ZSWIM5: variants seen among roughly 807,000 people sequenced by gnomAD.
ZSWIM5 encodes the protein zinc finger SWIM-type containing 5, also known as zinc finger SWIM domain-containing protein 5.
Under a neutral mutation model 119.6 loss-of-function variants are expected in ZSWIM5, and 55 were observed. The observed-to-expected ratio is 0.46, with a 90% CI of 0.37 to 0.58. The LOEUF (loss-of-function observed/expected upper bound fraction) is 0.58. Among genes scored for constraint, ZSWIM5 ranks in the 20% least tolerant of loss-of-function variants. ZSWIM5 has a pLI of 0.00. For synonymous variants in ZSWIM5, 537 were observed against 606.9 expected, an observed-to-expected ratio of 0.88 and a Z score of 1.69; for missense variants, 1,193 against 1,512.8, an observed-to-expected ratio of 0.79 and a Z score of 3.51.
At chr1:45,197,608 T>C (rs1438248878) in intron 1 of ZSWIM5, among the ~76,000 whole-genome samples, 3 of 152,202 alleles carry the variant, frequency 2.0e-5, no homozygotes, top group Admixed American at 6.5e-5. Context: ...CTACTATAAA[T>C]ATTCAAGTAC....
chr1:45,090,470 C>T (rs1645358257), intron 1 of ZSWIM5, among the ~76,000 whole-genome samples: 1 of 151,932 alleles, frequency 6.6e-6, no homozygotes, highest in Non-Finnish European at 1.5e-5. Context: ...ACTAAGAAAG[C>T]TGGGCAACAT....
chr1:45,154,141 T>C (rs1645813593), intron 1 of ZSWIM5, among the ~76,000 whole-genome samples: 1 of 151,988 alleles, frequency 6.6e-6, no homozygotes, highest in Non-Finnish European at 1.5e-5. Context: ...CATGGATGGG[T>C]AGAATCAATA....
chr1:45,185,867 T>G lies in ZSWIM5; in HGVS notation c.595+19889A>C, dbSNP rs12563038. On this transcript the variant is annotated intron_variant, in intron 1 of 13. Transcript: ENST00000359600. ...GCAATTCCTCAGGGATCTAGAACTA[T>G]CAATACCATTTGACCCAGCCATCCC... Among the ~76,000 whole-genome samples, 29 of 152,234 alleles carry G rather than the reference T, an allele frequency of 1.9e-4. 1 individual carries two copies. In the South Asian group the frequency reaches 3.7e-3, roughly 20 times the overall value.
At chr1:45,180,848 C>A (rs1454321293) in intron 1 of ZSWIM5, among the ~76,000 whole-genome samples, 1 of 152,102 alleles carries the variant, frequency 6.6e-6, no homozygotes, top group Non-Finnish European at 1.5e-5. Flanking sequence ...CTCTAGCAAA[C>A]TCCAACAGAC....
At chr1:45,178,873 T>C (rs1415196965) in intron 1 of ZSWIM5, among the ~76,000 whole-genome samples, 2 of 152,050 alleles carry the variant, frequency 1.3e-5, no homozygotes, top group Non-Finnish European at 2.9e-5. Context: ...TCATTGTAGA[T>C]TAAAGCTTAT....
chr1:45,052,524 C>T (rs1645095068), intron 4 of ZSWIM5, among the ~76,000 whole-genome samples: 1 of 152,234 alleles, frequency 6.6e-6, no homozygotes, highest in South Asian at 2.1e-4. Context: ...AATCCCAGCA[C>T]TTTGGCAGGC....
intron 1 of ZSWIM5, among the ~76,000 whole-genome samples, chr1:45,171,922 G>A (rs1390213605): frequency 1.2e-4 from 19 of 152,086 alleles, no homozygotes; most frequent in Non-Finnish European, 8.8e-5. Context: ...CATAAAAAGT[G>A]TAACAAAATT....
chr1:45,135,123 GTTT>G (rs60638552), intron 1 of ZSWIM5, among the ~76,000 whole-genome samples: 6 of 135,150 alleles, frequency 4.4e-5, no homozygotes, highest in African/African-American at 5.4e-5. Context: ...CGGTAATTCT[GTTT>G]TTTTTTTTTT....
In ZSWIM5 at chr1:45,035,840, C is replaced by T. The variant is rs1045538832; in HGVS notation, c.2156-17G>A. The T allele has an allele frequency of 6.2e-7, 1 of 1,611,640 alleles. No homozygotes were observed. The highest frequency in any genetic ancestry group is 8.5e-7 in the Non-Finnish European group (1 of 1,179,024). Reference sequence around the variant, plus strand: ...AAGGACCTCCTGGAGGAAGATAAGCCAGCCAGTTATTTATCTGTATGCTTC... The same window carrying T: ...AAGGACCTCCTGGAGGAAGATAAGCTAGCCAGTTATTTATCTGTATGCTTC... On this transcript the variant is annotated splice_polypyrimidine_tract_variant and intron_variant, in intron 9 of 13. Transcript: ENST00000359600.
At chr1:45,029,361 C>T (rs1434369572) in intron 11 of ZSWIM5, among the ~76,000 whole-genome samples, 1 of 152,094 alleles carries the variant, frequency 6.6e-6, no homozygotes, top group African/African-American at 2.4e-5. Flanking sequence ...ATTTGGTATT[C>T]CTGATGTTTC....
At chr1:45,170,193 ATT>A (rs1645938158) in intron 1 of ZSWIM5, among the ~76,000 whole-genome samples, 1 of 152,078 alleles carries the variant, frequency 6.6e-6, no homozygotes, top group African/African-American at 2.4e-5. Context: ...ATTTTTATAT[ATT>A]GTTTGATTTA....
intron 1 of ZSWIM5, among the ~76,000 whole-genome samples, chr1:45,199,528 T>G (rs1038297989): frequency 6.6e-6 from 1 of 152,130 alleles, no homozygotes; most frequent in Admixed American, 6.6e-5. Flanking sequence ...CTTGATCTCC[T>G]GACCTCATGA....
chr1:45,040,412 A>G lies in ZSWIM5; in HGVS notation c.1736T>C (p.Ile579Thr), dbSNP rs1168016035. The change falls in exon 7 of 14, where the codon ATC becomes ACC. Residue 579 changes from isoleucine to threonine, a missense_variant. Transcript: ENST00000359600. ...TATACCTTTCTTCTGATGCTTGTAG[A>G]TTTCCAGTTGCCGCTGCTGCTGCAA... The part of the protein sequence containing the change: ...LRLQQQRQLE[I>T]YKHQKKELLQ... The G allele has an allele frequency of 1.2e-6, 2 of 1,611,082 alleles. No individual in the cohort carries two copies. Among genetic ancestry groups the G allele is most frequent in the African/African-American group, 1.3e-5 (1 of 74,960 alleles).
intron 8 of ZSWIM5, among the ~76,000 whole-genome samples, chr1:45,038,170 A>G (rs1644996775): frequency 6.6e-6 from 1 of 152,222 alleles, no homozygotes; most frequent in Admixed American, 6.5e-5. Flanking sequence ...TTGAGGCTCT[A>G]TTAAATTATT....
At chr1:45,162,388 C>A (rs761592807) in intron 1 of ZSWIM5, among the ~76,000 whole-genome samples, 3 of 152,198 alleles carry the variant, frequency 2.0e-5, no homozygotes, top group Non-Finnish European at 4.4e-5. Context: ...CAGCTCCAGT[C>A]TACAGCTCCC....
intron 11 of ZSWIM5, among the ~76,000 whole-genome samples, chr1:45,031,918 T>A (rs555769832): frequency 6.6e-6 from 1 of 152,100 alleles, no homozygotes; most frequent in East Asian, 1.9e-4. Flanking sequence ...AATTTATAAG[T>A]AAAACCTTAG....
chr1:45,019,029 T>C lies in ZSWIM5; in HGVS notation c.2983A>G (p.Met995Val), dbSNP rs868677195. The C allele has an allele frequency of 6.2e-7, 1 of 1,614,228 alleles. No individual in the cohort carries two copies. Among genetic ancestry groups the C allele is most frequent in the Non-Finnish European group, 8.5e-7 (1 of 1,180,030 alleles). The stretch of plus-strand genomic sequence containing the variant: ...ATGGTGAACAGCTGTGAATGGGTCA[T>C]ACCACCAGCAGCAGCATCAATGGCA... ...QIAIDAAAGG[M>V]THSQLFTIAR... The change falls in exon 14 of 14, where the codon ATG becomes GTG. Residue 995 changes from methionine to valine, a missense_variant. Transcript: ENST00000359600. This position sits in a 1 kb window ranked among gnomAD's most constrained non-coding sequence, Gnocchi z 5.0.
chr1:45,206,392 C>A lies in ZSWIM5; in HGVS notation c.-42G>T. On this transcript the variant is annotated 5_prime_UTR_variant, in exon 1 of 14. Coordinates refer to ENST00000359600, the MANE Select transcript of ZSWIM5 (RefSeq NM_020883.2). ...ACTGACTGAGGCGGCGGCGGCTGCT[C>A]GGGCTGCGGCGGAGACCCTGGCCAC... 1.5e-6 allele frequency: 2 copies of A among 1,349,610 alleles called. No individual in the cohort carries two copies. The highest frequency in any genetic ancestry group is 3.5e-5 in the South Asian group (2 of 56,460). 83.6% of individuals were successfully genotyped at this position (1,349,610 alleles called of 1,614,324 possible). A position where few individuals can be genotyped will look rare whatever the true frequency, so the allele number is the denominator to read the frequency against.
At chr1:45,187,641 A>G (rs547374797) in intron 1 of ZSWIM5, among the ~76,000 whole-genome samples, 1 of 152,294 alleles carries the variant, frequency 6.6e-6, no homozygotes, top group African/African-American at 2.4e-5. Context: ...TTCAAAGGAC[A>G]CTATCAAGAG....
Sources: gnomAD v4.1 joint callset for allele counts (sites outside exome capture counted in the v4.1 genomes callset) on GRCh38, gnomAD v4.1.1 for gene constraint, Gnocchi (gnomAD v3.1) non-coding constraint, MANE v1.5 for transcripts, NCBI Gene and HGNC (gene_info 2026-07-23, HGNC 2026-07-21) for gene names.